NAV1: variants seen among roughly 807,000 people sequenced by gnomAD.
NAV1 encodes pore membrane and/or filament interacting like protein 3.
In NAV1, 18 loss-of-function variants were observed where a neutral mutation model predicts 175.2. The observed-to-expected ratio is 0.10, with a 90% CI of 0.07 to 0.15. The LOEUF (loss-of-function observed/expected upper bound fraction) is 0.15. Ranked by LOEUF, NAV1 falls within the 10% of genes least tolerant of loss-of-function variation. The probability of loss-of-function intolerance (pLI) is 1.00; values close to 1 mark genes in which losing one functional copy is unlikely to be tolerated. For synonymous variants in NAV1, 897 were observed against 978.7 expected (o/e 0.92, Z 1.56); for missense variants, 1,731 against 2,436.6 (o/e 0.71, Z 6.10).
At chr1:201,624,868 C>T (rs1271911892) in intron 1 of NAV1, among the ~76,000 whole-genome samples, 1 of 152,174 alleles carries the variant, frequency 6.6e-6, no homozygotes, top group South Asian at 2.1e-4. Context: ...TCATCCCTTA[C>T]ACACCAGGGA....
exon 22 of NAV1, chr1:201,809,478 A>G (rs1484865408): frequency 1.2e-6 from 2 of 1,614,116 alleles, no homozygotes; most frequent in Non-Finnish European, 1.7e-6. Flanking sequence ...GGGCTGTAGC[A>G]AGGTCAGTGG....
chr1:201,680,295 A>G (rs997399663), intron 1 of NAV1, among the ~76,000 whole-genome samples: 2 of 152,128 alleles, frequency 1.3e-5, no homozygotes, highest in African/African-American at 4.8e-5. Context: ...GGATCACCTG[A>G]GGTCAGGAGT....
intron 1 of NAV1, among the ~76,000 whole-genome samples, chr1:201,691,133 G>A (rs955889285): frequency 6.6e-6 from 1 of 152,174 alleles, no homozygotes; most frequent in Non-Finnish European, 1.5e-5. Context: ...GCTATAGAGG[G>A]CTGTCCTGGG....
At chr1:201,621,345 T>TC (rs1228564897), upstream of NAV1, among the ~76,000 whole-genome samples, 1 of 149,014 alleles carries the variant, frequency 6.7e-6, no homozygotes, top group African/African-American at 2.4e-5. Context: ...TTTTTTTTTT[T>TC]TTTTTTTGAG....
At chr1:201,728,710 C>A (rs956806806) in intron 3 of NAV1, among the ~76,000 whole-genome samples, 5 of 152,246 alleles carry the variant, frequency 3.3e-5, no homozygotes, top group African/African-American at 9.6e-5. Flanking sequence ...ATCCCCGATC[C>A]CCCCTGAACC....
intron 15 of NAV1, among the ~76,000 whole-genome samples, chr1:201,802,378 TG>T (rs1677971328): frequency 7.1e-6 from 1 of 140,404 alleles, no homozygotes; most frequent in Admixed American, 7.3e-5. Context: ...CCCAGCACTT[TG>T]GGAAGCCGTG....
intron 2 of NAV1, among the ~76,000 whole-genome samples, chr1:201,642,856 A>T (rs1172516543): frequency 7.0e-6 from 1 of 142,526 alleles, no homozygotes; most frequent in Non-Finnish European, 1.6e-5. Flanking sequence ...TGCAGGCTCC[A>T]CCTCCCGGAT....
In NAV1 at chr1:201,782,753, C is replaced by T. The variant is rs779368255; in HGVS notation, c.2241C>T (p.Ala747=). 1.2e-6 allele frequency: 2 copies of T among 1,614,122 alleles called. No homozygotes were observed. Among genetic ancestry groups the T allele is most frequent in the South Asian group, 2.2e-5 (2 of 91,084 alleles). The change falls in exon 6 of 30, where the codon GCC becomes GCT. Residue 747 remains alanine (A), a synonymous_variant. Coordinates refer to ENST00000367296, the Ensembl canonical transcript of NAV1. This position sits in a 1 kb window ranked among gnomAD's most constrained non-coding sequence, Gnocchi z 5.4. The stretch of plus-strand genomic sequence containing the variant: ...AGAAGGCCAAAGCCAAGGCAGTGGC[C>T]TTGGACTCAGACAACATCTCCTTGA...
At position 201,788,789 on chromosome 1, in the gene NAV1, T is replaced by A; in HGVS notation, c.3166+151T>A. 1 of 927,664 alleles carries A rather than the reference T, an allele frequency of 1.1e-6. No individual in the cohort carries two copies. Among genetic ancestry groups the A allele is most frequent in the Non-Finnish European group, 1.6e-6 (1 of 633,080 alleles). The allele number at this position is 927,664 out of a possible 1,614,324, so 57.5% of individuals were successfully genotyped here. A position where few individuals can be genotyped will look rare whatever the true frequency, so the allele number is the denominator to read the frequency against. Reference sequence around the variant, plus strand: ...CATTTCAGTTTTTTCTCCCCATCCCTTTGAAGGGTCTGGGGACCCAGAAAC... The same window carrying A: ...CATTTCAGTTTTTTCTCCCCATCCCATTGAAGGGTCTGGGGACCCAGAAAC... On this transcript the variant is annotated intron_variant, in intron 10 of 29. Coordinates refer to ENST00000367296, the Ensembl canonical transcript of NAV1. The surrounding 1 kb of genome is among the most constrained non-coding windows in gnomAD (Gnocchi z 5.7).
chr1:201,648,290 A>G, exon 1 of NAV1: 1 of 1,097,924 alleles, frequency 9.1e-7, no homozygotes, highest in Non-Finnish European at 1.1e-6. Flanking sequence ...TGGGATCCGG[A>G]CACCAAAGCA....
chr1:201,819,642 T>C (rs1207591116), intron 29 of NAV1, among the ~76,000 whole-genome samples, 195 bp from the exon 34 acceptor site: 1 of 152,062 alleles, frequency 6.6e-6, no homozygotes, highest in Non-Finnish European at 1.5e-5. Flanking sequence ...GGCCAGTTTT[T>C]TATTGTTTTA....
intron 1 of NAV1, among the ~76,000 whole-genome samples, chr1:201,557,675 T>G (rs1158490724): frequency 6.6e-6 from 1 of 152,210 alleles, no homozygotes; most frequent in Non-Finnish European, 1.5e-5. Context: ...CCCACACCAC[T>G]TAGGCTAGAT....
intron 2 of NAV1, among the ~76,000 whole-genome samples, chr1:201,637,495 A>T (rs1668644168): frequency 6.6e-6 from 1 of 152,180 alleles, no homozygotes; most frequent in African/African-American, 2.4e-5. Flanking sequence ...AGGTCACCAC[A>T]GGTTTGGGCC....
chr1:201,688,497 A>G (rs1482571478), intron 1 of NAV1: 1 of 152,242 alleles, frequency 6.6e-6, no homozygotes, highest in Non-Finnish European at 1.5e-5. Context: ...CACACAAAAT[A>G]TGGGCACCAC....
intron 3 of NAV1, among the ~76,000 whole-genome samples, chr1:201,760,768 C>G (rs1225129292): frequency 6.6e-6 from 1 of 152,102 alleles, no homozygotes; most frequent in African/African-American, 2.4e-5. Context: ...TACAAAGGGT[C>G]ATTGTGTCAC....
Position 201,783,397 on chromosome 1 carries a change from T to C in NAV1, c.2358-9T>C, listed in dbSNP as rs1291847351. 5.0e-6 allele frequency: 8 copies of C among 1,610,970 alleles called. No individual in the cohort carries two copies. The East Asian group carries it at 6.7e-5, about 13-fold the overall frequency. The stretch of plus-strand genomic sequence containing the variant: ...ATTATTCTAAATATTTCGTTTGATC[T>C]TCTCTCAGGGCCACAGCGAAGAGCT... On this transcript the variant is annotated splice_polypyrimidine_tract_variant and intron_variant, in intron 6 of 29. Transcript: ENST00000367296.
Position 201,812,097 on chromosome 1 carries a change from A to G in NAV1, c.5024+123A>G. The G allele has an allele frequency of 1.1e-6, 1 of 934,604 alleles. No individual in the cohort carries two copies. Among genetic ancestry groups the G allele is most frequent in the Non-Finnish European group, 1.7e-6 (1 of 583,246 alleles). The allele number at this position is 934,604 out of a possible 1,614,324, so 57.9% of individuals were successfully genotyped here. On this transcript the variant is annotated intron_variant, in intron 26 of 29. Transcript: ENST00000367296. This position sits in a 1 kb window ranked among gnomAD's most constrained non-coding sequence, Gnocchi z 4.6. ...AGTATCCAGAGCTTTTTGGGCTGGA[A>G]ATAGAAAGTAGATGTATTTGTCATG...
exon 1 of NAV1, chr1:201,649,133 C>T (rs759700273): frequency 6.2e-6 from 10 of 1,612,040 alleles, no homozygotes; most frequent in Admixed American, 3.3e-5. Context: ...GCCCGGCGGG[C>T]GGCGCCAAGA....
chr1:201,687,063 G>T (rs1486565935), intron 1 of NAV1, among the ~76,000 whole-genome samples: 1 of 152,174 alleles, frequency 6.6e-6, no homozygotes, highest in East Asian at 1.9e-4. Flanking sequence ...TCTCCCTTCA[G>T]AAGTCTTTAT....
Sources: allele counts gnomAD v4.1 joint callset (sites outside exome capture counted in the v4.1 genomes callset), GRCh38; gene constraint gnomAD v4.1.1; non-coding constraint Gnocchi (gnomAD v3.1); transcripts MANE v1.5; gene names NCBI Gene and HGNC (gene_info 2026-07-23, HGNC 2026-07-21).